CTDSPL2: variants seen among roughly 807,000 people sequenced by gnomAD.
CTDSPL2 encodes the protein CTD small phosphatase-like protein 2.
CTDSPL2 carries 5 observed loss-of-function variants against 60.0 expected under a neutral mutation model. The observed-to-expected ratio is 0.08, with a 90% CI of 0.04 to 0.18. The LOEUF (loss-of-function observed/expected upper bound fraction) is 0.18, where lower values mean the gene tolerates loss of function less well. Among genes scored for constraint, CTDSPL2 ranks in the 10% least tolerant of loss-of-function variants. The pLI, the probability that CTDSPL2 is intolerant of heterozygous loss-of-function variation, is 1.00. For missense variants in CTDSPL2, 370 were observed against 548.8 expected, an observed-to-expected ratio of 0.67 and a Z score of 3.26; for synonymous variants, 186 against 189.3, an observed-to-expected ratio of 0.98 and a Z score of 0.14.
chr15:44,521,937 CAAAAAAAAAAA>C (rs904398715), intron 12 of CTDSPL2, among the ~76,000 whole-genome samples: 10 of 60,776 alleles, frequency 1.6e-4, no homozygotes, highest in African/African-American at 5.0e-4. Flanking sequence ...GACTCCGTCT[CAAAAAAAAAAA>C]AAAAAAAAAA....
intron 8 of CTDSPL2, among the ~76,000 whole-genome samples, chr15:44,509,928 A>T (rs541613054): frequency 4.0e-5 from 6 of 150,226 alleles, no homozygotes; most frequent in Middle Eastern, 3.4e-3. Context: ...TCCATTTAAA[A>T]ATATATATAT....
At chr15:44,471,082 G>GTAT (rs1396598904) in intron 2 of CTDSPL2, among the ~76,000 whole-genome samples, 1 of 152,068 alleles carries the variant, frequency 6.6e-6, no homozygotes, top group Non-Finnish European at 1.5e-5. Context: ...TGTCATTATA[G>GTAT]AGTTTCATAG....
rs59993417 is a variant in CTDSPL2 at position 44,444,302 on chromosome 15, TACACACACACACAC to T, written c.-24-14663_-24-14650del. Among the ~76,000 whole-genome samples the T allele has an allele frequency of 1.4e-3, 191 of 136,276 alleles. 2 individuals carry two copies. In the East Asian group the frequency reaches 0.028, roughly 20 times the overall value. 89.4% of individuals were successfully genotyped at this position (136,276 alleles called of 152,430 possible). ...AATCCAATGTTATGAGCTTTTCCCA[TACACACACACACAC>T]ACACACACACACACACACACACACA... On this transcript the variant is annotated intron_variant, in intron 1 of 12. Transcript: ENST00000260327.
At chr15:44,503,400 T>C (rs1010963793) in intron 8 of CTDSPL2, 6 of 152,216 alleles carry the variant, frequency 3.9e-5, no homozygotes, top group Admixed American at 3.3e-4. Flanking sequence ...TGTTACTCAG[T>C]TAAGAGGTCT....
At chr15:44,472,634 A>G (rs938808086) in intron 2 of CTDSPL2, among the ~76,000 whole-genome samples, 1 of 151,316 alleles carries the variant, frequency 6.6e-6, no homozygotes, top group Non-Finnish European at 1.5e-5. Context: ...AGGAGCTGAG[A>G]CTACAGGCAT....
intron 1 of CTDSPL2, among the ~76,000 whole-genome samples, chr15:44,455,673 G>T (rs1392764727): frequency 6.6e-6 from 1 of 152,048 alleles, no homozygotes; most frequent in Non-Finnish European, 1.5e-5. Context: ...CATCTATTGA[G>T]ATAATCATGT....
intron 1 of CTDSPL2, among the ~76,000 whole-genome samples, chr15:44,434,956 G>T (rs1222969128): frequency 6.6e-6 from 1 of 152,152 alleles, no homozygotes; most frequent in South Asian, 2.1e-4. Context: ...ACACTTTGTT[G>T]TGAATAGGAT....
rs1427423203 is a variant in CTDSPL2, at chr15:44,524,742, T to C, written c.*568T>C. ...CATAGTTTTCTGGAGATAGTCAATT[T>C]TTAGTTTTTTATTATACATTTGAAT... On this transcript the variant is annotated 3_prime_UTR_variant, in exon 13 of 13. Coordinates refer to ENST00000260327, the MANE Select transcript of CTDSPL2 (RefSeq NM_016396.3). 6.5e-6 allele frequency: 1 copy of C among 152,732 alleles called. No homozygotes were observed. The highest frequency in any genetic ancestry group is 1.9e-4 in the East Asian group (1 of 5,204). 9.5% of individuals were successfully genotyped at this position (152,732 alleles called of 1,614,324 possible).
chr15:44,463,197 A>G (rs1379842797), intron 2 of CTDSPL2, among the ~76,000 whole-genome samples: 2 of 152,178 alleles, frequency 1.3e-5, no homozygotes, highest in Non-Finnish European at 2.9e-5. Context: ...GTTGGAATGC[A>G]GTGGCACGAT....
At chr15:44,471,190 T>C (rs2080802685) in intron 2 of CTDSPL2, among the ~76,000 whole-genome samples, 1 of 152,094 alleles carries the variant, frequency 6.6e-6, no homozygotes, top group Non-Finnish European at 1.5e-5. Flanking sequence ...TTCCTTCCCC[T>C]CCCCTCCCCG....
chr15:44,508,592 G>T (rs2081512156), intron 8 of CTDSPL2, among the ~76,000 whole-genome samples: 1 of 152,066 alleles, frequency 6.6e-6, no homozygotes, highest in Admixed American at 6.6e-5. Flanking sequence ...AGGTTGGAAG[G>T]ATGTCATGGA....
chr15:44,498,023 C>A (rs1156840526), intron 7 of CTDSPL2, among the ~76,000 whole-genome samples: 1 of 151,836 alleles, frequency 6.6e-6, no homozygotes, highest in Non-Finnish European at 1.5e-5. Flanking sequence ...TTTTAGGGTA[C>A]CAGAAAAGCT....
In CTDSPL2 at chr15:44,529,025, CTT is replaced by C. The variant is rs1400969747; in HGVS notation, c.*4854_*4855del. 6.6e-6 allele frequency: 1 copy of C among 152,120 alleles called. No individual in the cohort carries two copies. Among genetic ancestry groups the C allele is most frequent in the African/African-American group, 2.4e-5 (1 of 41,434 alleles). 9.4% of individuals were successfully genotyped at this position (152,120 alleles called of 1,614,324 possible). ...AGGGTTGTTGTGGGGATAAATAAAA[CTT>C]TTATGGAAGCACTTCTCTTTGATGA... On this transcript the variant is annotated 3_prime_UTR_variant, in exon 13 of 13. Transcript: ENST00000260327.
intron 2 of CTDSPL2, among the ~76,000 whole-genome samples, chr15:44,460,446 G>A (rs2080544059): frequency 6.6e-6 from 1 of 152,098 alleles, no homozygotes. Context: ...TCAATGTATA[G>A]TATTATTGAT....
chr15:44,522,281 A>C (rs2081794038), intron 12 of CTDSPL2, among the ~76,000 whole-genome samples: 1 of 152,072 alleles, frequency 6.6e-6, no homozygotes, highest in African/African-American at 2.4e-5. Context: ...CTATCTGCCC[A>C]TCTCAGCCTC....
At chr15:44,522,584 C>A (rs2140875359) in intron 12 of CTDSPL2, among the ~76,000 whole-genome samples, 1 of 152,124 alleles carries the variant, frequency 6.6e-6, no homozygotes, top group East Asian at 1.9e-4. Flanking sequence ...GAAACCCCAT[C>A]TCTACTAAAA....
chr15:44,510,905 G>T (rs540448283), intron 8 of CTDSPL2, among the ~76,000 whole-genome samples: 1 of 152,150 alleles, frequency 6.6e-6, no homozygotes, highest in South Asian at 2.1e-4. Flanking sequence ...CAGACAGTAC[G>T]TAGTGCTTCT....
At position 44,475,806 on chromosome 15, in the gene CTDSPL2, G is replaced by A. The variant is rs142743281; in HGVS notation, c.187-8418G>A. 2.4e-4 allele frequency among the ~76,000 whole-genome samples: 36 copies of A among 152,148 alleles called. No individual in the cohort carries two copies. The East Asian group carries it at 7.0e-3, about 29-fold the overall frequency. On this transcript the variant is annotated intron_variant, in intron 2 of 12. Transcript: ENST00000260327. ...TACTAAATTGTCACCATTTAAATAT[G>A]TCTCATCTATTTAAGTATGTTCTAT...
intron 1 of CTDSPL2, among the ~76,000 whole-genome samples, chr15:44,443,570 T>G (rs2080137580): frequency 6.6e-6 from 1 of 152,202 alleles, no homozygotes; most frequent in African/African-American, 2.4e-5. Context: ...AATTTTTATT[T>G]TTTATTTTTA....
Sources: allele counts gnomAD v4.1 joint callset (sites outside exome capture counted in the v4.1 genomes callset), GRCh38; gene constraint gnomAD v4.1.1; transcripts MANE v1.5; gene names NCBI Gene and HGNC (gene_info 2026-07-23, HGNC 2026-07-21).